Variants in TMPRSS13 observed in about 807,000 individuals in gnomAD.
The protein encoded by TMPRSS13 is transmembrane serine protease 13.
A neutral mutation model predicts 68.4 loss-of-function variants in TMPRSS13; 50 were observed. That is an observed-to-expected ratio of 0.73 (90% CI 0.58 to 0.93). The LOEUF (loss-of-function observed/expected upper bound fraction) is 0.93, where lower values mean the gene tolerates loss of function less well. Ranked by LOEUF, TMPRSS13 falls within the 40% of genes least tolerant of loss-of-function variation. The probability of loss-of-function intolerance (pLI) is 0.00; values close to 1 mark genes in which losing one functional copy is unlikely to be tolerated. For synonymous variants in TMPRSS13, 267 were observed against 285.8 expected (o/e 0.93, Z 0.66); for missense variants, 615 against 729.2 (o/e 0.84, Z 1.80).
At position 117,902,233 on chromosome 11, in the gene TMPRSS13, A is replaced by T; in HGVS notation, c.*6T>A. ...CCGGTGCTGTGCAGAGCAGCAGGCC[A>T]GCTGGTTAGGATTTTCTGAATCGCA... On this transcript the variant is annotated 3_prime_UTR_variant, in exon 13 of 13. Transcript: ENST00000524993. The T allele has an allele frequency of 1.9e-6, 3 of 1,613,368 alleles. No homozygotes were observed. Among genetic ancestry groups the T allele is most frequent in the Non-Finnish European group, 8.5e-7 (1 of 1,179,846 alleles).
At chr11:117,929,206 G>A in intron 1 of TMPRSS13, 81 bp downstream of exon 1, 1 of 1,225,222 alleles carries the variant, frequency 8.2e-7, no homozygotes, top group South Asian at 1.6e-5. Context: ...CACAGAGGTA[G>A]CTGTCCCACC....
chr11:117,910,439 A>C, intron 7 of TMPRSS13: 1 of 478,582 alleles, frequency 2.1e-6, no homozygotes, highest in Non-Finnish European at 3.7e-6. Flanking sequence ...GGAAGAATAC[A>C]CTTCCCCTGA....
chr11:117,927,922 G>T (rs1301025080), intron 1 of TMPRSS13, among the ~76,000 whole-genome samples: 2 of 152,184 alleles, frequency 1.3e-5, no homozygotes, highest in Non-Finnish European at 2.9e-5. Context: ...CCTCAAAGAA[G>T]TCTGTTCTCT....
chr11:117,914,588 T>C lies in TMPRSS13; in HGVS notation c.557-74A>G. Reference sequence around the variant, plus strand: ...TGAGACACTGAGCAGCCCAAGGACCTGGGGGTTCTGAGACACCGACCTGCA... The same window carrying C: ...TGAGACACTGAGCAGCCCAAGGACCCGGGGGTTCTGAGACACCGACCTGCA... On this transcript the variant is annotated intron_variant, in intron 3 of 12. Coordinates refer to ENST00000524993, the MANE Select transcript of TMPRSS13 (RefSeq NM_001077263.3). The surrounding 1 kb of genome is among the most constrained non-coding windows in gnomAD (Gnocchi z 4.2). 6.3e-7 allele frequency: 1 copy of C among 1,591,426 alleles called. No individual in the cohort carries two copies. The highest frequency in any genetic ancestry group is 8.5e-7 in the Non-Finnish European group (1 of 1,171,804).
At chr11:117,924,792 A>T (rs1351402732) in intron 1 of TMPRSS13, among the ~76,000 whole-genome samples, 1 of 151,928 alleles carries the variant, frequency 6.6e-6, no homozygotes, top group Non-Finnish European at 1.5e-5. Context: ...ACCCAGAGAA[A>T]CCCCACAAAT....
intron 12 of TMPRSS13, chr11:117,903,177 T>G: frequency 7.2e-7 from 1 of 1,380,648 alleles, no homozygotes. Flanking sequence ...GTTGTCAGAG[T>G]TAAAATGGAG....
chr11:117,904,861 T>TTTTATATA (rs2057447395), intron 10 of TMPRSS13, among the ~76,000 whole-genome samples: 1 of 100,672 alleles, frequency 9.9e-6, no homozygotes, highest in Non-Finnish European at 2.2e-5. Flanking sequence ...CTAGATAAGA[T>TTTTATATA]TATATATATA....
At chr11:117,912,487 C>A (rs1299357344) in intron 5 of TMPRSS13, among the ~76,000 whole-genome samples, 1 of 152,258 alleles carries the variant, frequency 6.6e-6, no homozygotes, top group African/African-American at 2.4e-5. Context: ...CCCAGAGATT[C>A]TGATTCCAAG....
At chr11:117,908,589 G>C in intron 9 of TMPRSS13, 23 bp downstream of exon 9, 1 of 1,549,774 alleles carries the variant, frequency 6.5e-7, no homozygotes, top group Non-Finnish European at 8.7e-7. Context: ...GGGCAGGAGA[G>C]CGGGGAGTGC....
intron 10 of TMPRSS13, among the ~76,000 whole-genome samples, chr11:117,905,209 T>TC (rs1490875632): frequency 6.6e-6 from 1 of 151,724 alleles, no homozygotes; most frequent in African/African-American, 2.4e-5. Context: ...GATAAGATTA[T>TC]TAAGGTTCCC....
At chr11:117,903,902 C>A (rs1280076727) in intron 11 of TMPRSS13, 57 bp downstream of exon 11, 3 of 1,598,080 alleles carry the variant, frequency 1.9e-6, no homozygotes, top group African/African-American at 2.7e-5. Flanking sequence ...CCCAACACCC[C>A]TGCCTCCCCC....
At chr11:117,910,019 T>C in intron 7 of TMPRSS13, 51 bp from the exon 8 acceptor site, 1 of 1,593,148 alleles carries the variant, frequency 6.3e-7, no homozygotes, top group Non-Finnish European at 8.6e-7. Context: ...CCAGGGTTCT[T>C]TCCGAGCTCC....
chr11:117,908,166 T>A, intron 9 of TMPRSS13: 2 of 702,564 alleles, frequency 2.8e-6, no homozygotes, highest in Non-Finnish European at 3.8e-6. Context: ...ACTTGTGGCC[T>A]CAGGTAATTA....
At position 117,914,036 on chromosome 11, in the gene TMPRSS13, G is replaced by T; in HGVS notation, c.680-130C>A. 1 of 1,149,634 alleles carries T rather than the reference G, an allele frequency of 8.7e-7. No homozygotes were observed. Among genetic ancestry groups the T allele is most frequent in the Non-Finnish European group, 1.2e-6 (1 of 821,680 alleles). 71.2% of individuals were successfully genotyped at this position (1,149,634 alleles called of 1,614,324 possible). A position where few individuals can be genotyped will look rare whatever the true frequency, so the allele number is the denominator to read the frequency against. ...CACTCCTTGCTGAGGCCTGGGAAAA[G>T]TCCAGGAACATGGCCTGGGTCATGG... On this transcript the variant is annotated intron_variant, in intron 4 of 12. Coordinates refer to ENST00000524993, the MANE Select transcript of TMPRSS13 (RefSeq NM_001077263.3). The surrounding 1 kb of genome is among the most constrained non-coding windows in gnomAD (Gnocchi z 4.2).
At chr11:117,929,116 G>A (rs2057734593) in intron 1 of TMPRSS13, among the ~76,000 whole-genome samples, 171 bp downstream of exon 1, 3 of 152,186 alleles carry the variant, frequency 2.0e-5, no homozygotes, top group Non-Finnish European at 2.9e-5. Flanking sequence ...CTAGAACCAC[G>A]TTAAAAGGAG....
chr11:117,905,608 T>C (rs1258222853), intron 10 of TMPRSS13, 30 bp downstream of exon 10: 1 of 1,551,576 alleles, frequency 6.4e-7, no homozygotes, highest in South Asian at 1.2e-5. Flanking sequence ...CATGAATACA[T>C]ACACACAACC....
At chr11:117,903,261 G>A (rs1299322503) in intron 12 of TMPRSS13, 2 of 1,300,032 alleles carry the variant, frequency 1.5e-6, no homozygotes, top group African/African-American at 1.5e-5. Flanking sequence ...AACAGAGCTG[G>A]GAAAGGCCAT....
intron 8 of TMPRSS13, 32 bp from the exon 9 acceptor site, chr11:117,908,816 A>G (rs1238217402): frequency 1.9e-6 from 3 of 1,558,438 alleles, no homozygotes; most frequent in Non-Finnish European, 1.7e-6. Flanking sequence ...GTGGTCCAGT[A>G]CCTGCCTGGC....
In TMPRSS13 at chr11:117,914,312, T is replaced by TAC. The variant is rs1183382522; in HGVS notation, c.679+78_679+79dup. 9.6e-6 allele frequency: 15 copies of TAC among 1,568,506 alleles called. No homozygotes were observed. Among genetic ancestry groups the TAC allele is most frequent in the South Asian group, 5.7e-5 (5 of 88,378 alleles). On this transcript the variant is annotated intron_variant, in intron 4 of 12. Transcript: ENST00000524993. The surrounding 1 kb of genome is among the most constrained non-coding windows in gnomAD (Gnocchi z 4.2). ...ACACATATACACACACAGGCATGCA[T>TAC]ACACACACACATATACAAACAGGCA...
Sources: gnomAD v4.1 joint callset for allele counts (sites outside exome capture counted in the v4.1 genomes callset) on GRCh38, gnomAD v4.1.1 for gene constraint, Gnocchi (gnomAD v3.1) non-coding constraint, MANE v1.5 for transcripts, NCBI Gene and HGNC (gene_info 2026-07-23, HGNC 2026-07-21) for gene names.